The following SYT16 variants were observed in gnomAD, a reference collection of about 807,000 sequenced individuals.
SYT16 encodes synaptotagmin 16, also known as synaptotagmin-16.
SYT16 carries 42 observed loss-of-function variants against 61.4 expected under a neutral mutation model. The ratio of observed to expected loss-of-function variants is 0.68; its 90% CI spans 0.53 to 0.89. SYT16 has a LOEUF of 0.89. SYT16 is among the 40% of genes least tolerant of loss of function. SYT16 has a pLI of 0.00. For missense variants in SYT16, 804 were observed against 807.3 expected (o/e 1.00, Z 0.05); for synonymous variants, 314 against 302.3 (o/e 1.04, Z -0.40).
At chr14:62,049,647 C>T (rs1386412962) in intron 3 of SYT16, among the ~76,000 whole-genome samples, 3 of 152,162 alleles carry the variant, frequency 2.0e-5, no homozygotes, top group Admixed American at 1.3e-4. Flanking sequence ...GTGCTTCCTT[C>T]AGGAGCTCTT....
chr14:61,870,826 A>G (rs911302494), intron 1 of SYT16, among the ~76,000 whole-genome samples: 1 of 152,084 alleles, frequency 6.6e-6, no homozygotes, highest in Non-Finnish European at 1.5e-5. Flanking sequence ...TGTTCTCAAT[A>G]TGCCTTTGTG....
rs116426275 is a variant in SYT16 at position 62,014,979 on chromosome 14, C to T, written c.523+18437C>T. ...ATCTCCCCCAACCTTGTGCCTTCCT[C>T]GTGAAAACTGTTCATCTTTCAAGAG... On this transcript the variant is annotated intron_variant, in intron 3 of 7. Coordinates refer to ENST00000683842, the MANE Select transcript of SYT16 (RefSeq NM_001367656.1). Among the ~76,000 whole-genome samples, 1,426 of 152,286 alleles carry T rather than the reference C, an allele frequency of 9.4e-3. 16 individuals are homozygous for T. Among genetic ancestry groups the T allele is most frequent in the African/African-American group, 0.033 (1,368 of 41,550 alleles).
At chr14:62,014,701 T>G (rs1171431594) in intron 3 of SYT16, among the ~76,000 whole-genome samples, 5 of 152,142 alleles carry the variant, frequency 3.3e-5, no homozygotes, top group Non-Finnish European at 7.4e-5. Flanking sequence ...CCCGAAGGGC[T>G]GGGATTACAG....
intron 3 of SYT16, among the ~76,000 whole-genome samples, chr14:62,021,119 C>T (rs897416177): frequency 6.6e-6 from 1 of 152,022 alleles, no homozygotes; most frequent in East Asian, 1.9e-4. Context: ...AAATATTTTT[C>T]CAAATATGCT....
At chr14:61,953,385 A>G (rs61993175) in intron 1 of SYT16, among the ~76,000 whole-genome samples, 15 of 151,432 alleles carry the variant, frequency 9.9e-5, no homozygotes, top group African/African-American at 3.6e-4. Flanking sequence ...TTTTTTTTTA[A>G]TCTCCTCTTT....
At chr14:62,044,826 C>G (rs114797960) in intron 3 of SYT16, among the ~76,000 whole-genome samples, 2 of 152,084 alleles carry the variant, frequency 1.3e-5, no homozygotes, top group South Asian at 4.2e-4. Context: ...CATATACCAG[C>G]GACAACTATT....
intron 2 of SYT16, among the ~76,000 whole-genome samples, chr14:61,976,524 C>T (rs2051810952): frequency 6.6e-6 from 1 of 152,192 alleles, no homozygotes; most frequent in Non-Finnish European, 1.5e-5. Context: ...GGTTCCCAAA[C>T]TTCAATTCTT....
chr14:61,909,778 T>A (rs560628652), intron 1 of SYT16, among the ~76,000 whole-genome samples: 1 of 152,332 alleles, frequency 6.6e-6, no homozygotes, highest in South Asian at 2.1e-4. Context: ...TGGCCCGAGT[T>A]AGCTGAGAAT....
At chr14:61,934,622 C>G (rs933296550) in intron 1 of SYT16, among the ~76,000 whole-genome samples, 9 of 152,114 alleles carry the variant, frequency 5.9e-5, no homozygotes, top group Non-Finnish European at 1.2e-4. Flanking sequence ...TTGTGGTGAC[C>G]CAAAAGCGTT....
chr14:62,049,305 C>CT (rs1476041054), intron 3 of SYT16, among the ~76,000 whole-genome samples: 3 of 151,982 alleles, frequency 2.0e-5, no homozygotes, highest in African/African-American at 7.2e-5. Flanking sequence ...CAAGCCCTGC[C>CT]TTTTTTTGTT....
intron 2 of SYT16, among the ~76,000 whole-genome samples, chr14:61,977,114 C>T (rs1327174313): frequency 4.6e-5 from 7 of 152,146 alleles, no homozygotes; most frequent in Non-Finnish European, 8.8e-5. Context: ...GCCTGGACTT[C>T]GTTGTCCACA....
At chr14:62,094,631 A>G (rs2057204007) in intron 7 of SYT16, among the ~76,000 whole-genome samples, 1 of 152,084 alleles carries the variant, frequency 6.6e-6, no homozygotes, top group African/African-American at 2.4e-5. Flanking sequence ...TATGATAGCA[A>G]CGTTCCAGTT....
intron 3 of SYT16, among the ~76,000 whole-genome samples, chr14:61,998,345 TA>T (rs1233994627): frequency 6.6e-6 from 1 of 152,014 alleles, no homozygotes; most frequent in Non-Finnish European, 1.5e-5. Context: ...CATTCCTTTT[TA>T]GTCAGTCCTT....
intron 3 of SYT16, among the ~76,000 whole-genome samples, chr14:62,039,485 C>T (rs185992016): frequency 3.6e-4 from 55 of 151,896 alleles, no homozygotes; most frequent in African/African-American, 1.1e-3. Flanking sequence ...TGTGTGAGGA[C>T]GCAAGGACAT....
intron 7 of SYT16, among the ~76,000 whole-genome samples, chr14:62,086,205 C>T (rs751656957): frequency 2.2e-4 from 33 of 152,268 alleles, no homozygotes; most frequent in African/African-American, 3.1e-4. Context: ...TGGCTAGGCA[C>T]GGTGGCTCAA....
At chr14:61,996,821 G>A (rs1332329004) in intron 3 of SYT16, among the ~76,000 whole-genome samples, 2 of 152,004 alleles carry the variant, frequency 1.3e-5, no homozygotes, top group African/African-American at 4.8e-5. Flanking sequence ...GAAGCCCCTT[G>A]TGCACATGTC....
chr14:62,034,841 G>A (rs540577636), intron 3 of SYT16, among the ~76,000 whole-genome samples: 3 of 152,208 alleles, frequency 2.0e-5, no homozygotes, highest in African/African-American at 7.2e-5. Context: ...CTTAAAATTG[G>A]TGAATTGTTA....
chr14:61,820,281 A>T (rs1440602217), intron 1 of SYT16, among the ~76,000 whole-genome samples: 1 of 152,134 alleles, frequency 6.6e-6, no homozygotes, highest in East Asian at 1.9e-4. Flanking sequence ...CCTTGGGAGA[A>T]TTCACTGATG....
intron 7 of SYT16, among the ~76,000 whole-genome samples, chr14:62,089,648 A>G (rs1241121174): frequency 6.6e-6 from 1 of 152,246 alleles, no homozygotes; most frequent in African/African-American, 2.4e-5. Context: ...CAAATCAAGT[A>G]ACAACATGCC....
Sources: gnomAD v4.1 joint callset for allele counts (sites outside exome capture counted in the v4.1 genomes callset) on GRCh38, gnomAD v4.1.1 for gene constraint, MANE v1.5 for transcripts, NCBI Gene and HGNC (gene_info 2026-07-23, HGNC 2026-07-21) for gene names.